Variants in AGAP2 observed in about 807,000 individuals in gnomAD.
The protein encoded by AGAP2 is ArfGAP with GTPase domain, ankyrin repeat and PH domain 2.
Under a neutral mutation model 110.9 loss-of-function variants are expected in AGAP2, and 32 were observed. That is an observed-to-expected ratio of 0.29 (90% CI 0.22 to 0.39). AGAP2 has a LOEUF of 0.39. Ranked by LOEUF, AGAP2 falls within the 10% of genes least tolerant of loss-of-function variation. The pLI is 1.00. For synonymous variants in AGAP2, 702 were observed against 713.0 expected, an observed-to-expected ratio of 0.98 and a Z score of 0.25; for missense variants, 1,285 against 1,638.5, an observed-to-expected ratio of 0.78 and a Z score of 3.72.
Position 57,730,819 on chromosome 12 carries a change from C to T in AGAP2, c.2280G>A (p.Met760Ile). 1 of 1,614,096 alleles carries T rather than the reference C, an allele frequency of 6.2e-7. No individual in the cohort carries two copies. The highest frequency in any genetic ancestry group is 1.7e-4 in the Middle Eastern group (1 of 5,998). Residue 760 changes from methionine (M) to isoleucine (I), a missense_variant, in exon 11 of 19, where the codon ATG (methionine) becomes ATA (isoleucine). By Grantham distance (10) the Met-to-Ile change is conservative. Around this residue, in one of 7 missense-constraint regions of AGAP2, gnomAD observed 135 missense variants for 182.0 expected, o/e 0.74. Coordinates refer to ENST00000547588, the MANE Select transcript of AGAP2 (RefSeq NM_001122772.3). ...GGCCTTCACCCATCTGGACAGTGCT[C>T]ATGTCCTTGACGAGCCCGTTAATGC... ...SASINGLVKD[M>I]STVQMGEGLE...
chr12:57,737,069 C>A lies in AGAP2; in HGVS notation c.1168+10G>T. ...TTCCCTCCCTGTTCTCAAGCCCTGA[C>A]TCAACTCACTAGGGGAAGCGCGGAG... On this transcript the variant is annotated intron_variant, in intron 1 of 18. Transcript: ENST00000547588. This position sits in a 1 kb window ranked among gnomAD's most constrained non-coding sequence, Gnocchi z 5.9. 6.6e-7 allele frequency: 1 copy of A among 1,508,170 alleles called. No individual in the cohort carries two copies. Among genetic ancestry groups the A allele is most frequent in the South Asian group, 1.3e-5 (1 of 75,450 alleles). 93.4% of individuals were successfully genotyped at this position (1,508,170 alleles called of 1,614,324 possible).
chr12:57,737,151 G>A lies in AGAP2; in HGVS notation c.1096C>T (p.Pro366Ser), dbSNP rs1336326736. 34 of 1,571,648 alleles carry A rather than the reference G, an allele frequency of 2.2e-5. No individual in the cohort carries two copies. The highest frequency in any genetic ancestry group is 2.9e-5 in the Non-Finnish European group (34 of 1,158,806). The change falls in exon 1 of 19, where the codon CCC becomes TCC. Residue 366 changes from proline to serine, a missense_variant. Transcript: ENST00000547588. This position sits in a 1 kb window ranked among gnomAD's most constrained non-coding sequence, Gnocchi z 5.9. ...TGGPPGSGPLPGPPSLSSGSG... is the reference protein window; with the variant it reads ...TGGPPGSGPLSGPPSLSSGSG... ...CCAGAAGACAGGCTGGGGGGTCCGG[G>A]AAGGGGCCCGGAGCCAGGAGGCCCT...
chr12:57,730,685 T>A, intron 11 of AGAP2, 71 bp from the exon 12 acceptor site: 5 of 1,605,320 alleles, frequency 3.1e-6, no homozygotes, highest in Non-Finnish European at 4.3e-6. Flanking sequence ...TCCCTCTTTA[T>A]CACCCAGCTT....
intron 1 of AGAP2, among the ~76,000 whole-genome samples, chr12:57,736,004 C>T (rs1189974171): frequency 6.6e-6 from 1 of 152,226 alleles, no homozygotes; most frequent in Non-Finnish European, 1.5e-5. Flanking sequence ...CCACACCCTC[C>T]CCACAAACGC....
rs1272146160 is a variant in AGAP2 at position 57,734,202 on chromosome 12, A to T, written c.1402-29T>A. 4 of 1,604,052 alleles carry T rather than the reference A, an allele frequency of 2.5e-6. No individual in the cohort carries two copies. In the South Asian group the frequency reaches 4.4e-5, roughly 18 times the overall value. ...GCGGGGAGTGAGGGAGCAAATGGAA[A>T]GTCAGACAGGTCTACTCCTCTGGAC... On this transcript the variant is annotated intron_variant, in intron 4 of 18. Coordinates refer to ENST00000547588, the MANE Select transcript of AGAP2 (RefSeq NM_001122772.3).
chr12:57,738,016 C>G lies in AGAP2; in HGVS notation c.231G>C (p.Trp77Cys). ...CGGTGCCCGCGCTGCTCGTGCTGATCCACAGCGCATCCTGCCGGTGGAAGA... is the reference window on the plus strand; with the variant it reads ...CGGTGCCCGCGCTGCTCGTGCTGATGCACAGCGCATCCTGCCGGTGGAAGA... The part of the protein sequence containing the change: ...ERLFHRQDAL[W>C]ISTSSAGTGG... The change falls in exon 1 of 19, where the codon TGG becomes TGC. Residue 77 changes from tryptophan to cysteine, a missense_variant. Trp to Cys is a radical substitution (Grantham distance 215). This residue lies in a region of AGAP2 where 844 missense variants were observed against 941.2 expected (regional missense o/e 0.90). Transcript: ENST00000547588. The surrounding 1 kb of genome is among the most constrained non-coding windows in gnomAD (Gnocchi z 6.7). The G allele has an allele frequency of 6.6e-7, 1 of 1,512,464 alleles. No homozygotes were observed. The highest frequency in any genetic ancestry group is 1.2e-5 in the South Asian group (1 of 82,166). The allele number at this position is 1,512,464 out of a possible 1,614,324, so 93.7% of individuals were successfully genotyped here.
intron 4 of AGAP2, 73 bp from the exon 5 acceptor site, chr12:57,734,246 T>A: frequency 3.7e-6 from 6 of 1,612,016 alleles, no homozygotes; most frequent in Non-Finnish European, 5.1e-6. Flanking sequence ...GATGAAGACC[T>A]GGGAAACCAG....
rs1225263879 is a variant in AGAP2 at position 57,737,044 on chromosome 12, T to C, written c.1168+35A>G. On this transcript the variant is annotated intron_variant, in intron 1 of 18. Transcript: ENST00000547588. This position sits in a 1 kb window ranked among gnomAD's most constrained non-coding sequence, Gnocchi z 5.9. ...CCCAAGCTGAGCATTCCAGGTACCC[T>C]TCCCTCCCTGTTCTCAAGCCCTGAC... 1.4e-6 allele frequency: 2 copies of C among 1,469,700 alleles called. No homozygotes were observed. The highest frequency in any genetic ancestry group is 2.9e-5 in the South Asian group (2 of 70,018). 91.0% of individuals were successfully genotyped at this position (1,469,700 alleles called of 1,614,324 possible).
rs1005966200 is a variant in AGAP2 at position 57,734,400 on chromosome 12, C to T, written c.1320G>A (p.Glu440=). The T allele has an allele frequency of 2.5e-6, 4 of 1,614,070 alleles. No individual in the cohort carries two copies. Among genetic ancestry groups the T allele is most frequent in the Non-Finnish European group, 3.4e-6 (4 of 1,180,026 alleles). ...SYQVLEKTES[E]QYKKEMLVDG... is the part of the protein sequence containing the mutation. ...CCACCAACATTTCTTTCTTGTACTGCTCACCTGTCCAGAAGAGTTGGAAGG... is the reference window on the plus strand; with the variant it reads ...CCACCAACATTTCTTTCTTGTACTGTTCACCTGTCCAGAAGAGTTGGAAGG... Residue 440 remains glutamate (E), a synonymous_variant, in exon 4 of 19, where the codon GAG becomes GAA. Transcript: ENST00000547588.
intron 13 of AGAP2, among the ~76,000 whole-genome samples, chr12:57,729,192 AAG>A (rs1954836377): frequency 1.3e-5 from 2 of 150,980 alleles, no homozygotes; most frequent in African/African-American, 2.4e-5. Flanking sequence ...AAAAAAAAAA[AAG>A]AAAAGAAAAA....
At position 57,727,553 on chromosome 12, in the gene AGAP2, C is replaced by T. The variant is rs768591169; in HGVS notation, c.2887G>A (p.Ala963Thr). 8.7e-6 allele frequency: 14 copies of T among 1,609,686 alleles called. No individual in the cohort carries two copies. Among genetic ancestry groups the T allele is most frequent in the Non-Finnish European group, 1.1e-5 (13 of 1,179,304 alleles). Residue 963 changes from alanine to threonine, a missense_variant, in exon 17 of 19, where the codon GCC (alanine) becomes ACC (threonine). Coordinates refer to ENST00000547588, the MANE Select transcript of AGAP2 (RefSeq NM_001122772.3). Reference sequence around the variant, plus strand: ...CCAGAACACTCGATGCAGATGAGGGCGCCCAGGTTCAAGCTGGCCCACGTG... The same window carrying T: ...CCAGAACACTCGATGCAGATGAGGGTGCCCAGGTTCAAGCTGGCCCACGTG... ...NPTWASLNLG[A>T]LICIECSGIH...
intron 2 of AGAP2, 109 bp downstream of exon 2, chr12:57,735,260 C>A: frequency 2.8e-6 from 3 of 1,084,528 alleles, no homozygotes; most frequent in Non-Finnish European, 2.8e-6. Flanking sequence ...AAACGATTCC[C>A]TATTCCCAAA....
intron 5 of AGAP2, among the ~76,000 whole-genome samples, chr12:57,733,808 T>A (rs531635050): frequency 1.3e-5 from 2 of 152,326 alleles, no homozygotes; most frequent in East Asian, 3.9e-4. Context: ...ATAGCTGTCC[T>A]TTCCTCCCTG....
Position 57,727,353 on chromosome 12 carries a change from C to T in AGAP2, c.3080+7G>A. On this transcript the variant is annotated splice_region_variant and intron_variant, in intron 17 of 18. Transcript: ENST00000547588. ...ACCCTCCCCCCGCTCTGTTCCCTCA[C>T]GCTTACCGCGAAGAGTCCCGCGAGG... The T allele has an allele frequency of 6.2e-7, 1 of 1,608,210 alleles. No homozygotes were observed. Among genetic ancestry groups the T allele is most frequent in the Non-Finnish European group, 8.5e-7 (1 of 1,177,656 alleles).
Position 57,726,860 on chromosome 12 carries a change from C to A in AGAP2, c.3337-66G>T. On this transcript the variant is annotated intron_variant, in intron 18 of 18. Coordinates refer to ENST00000547588, the MANE Select transcript of AGAP2 (RefSeq NM_001122772.3). This position sits in a 1 kb window ranked among gnomAD's most constrained non-coding sequence, Gnocchi z 5.7. ...GCGCCCACACCCGGCGCCGCCTCCCCCACATGGCCAAGCCTACTTCCGGGG... is the reference window on the plus strand; with the variant it reads ...GCGCCCACACCCGGCGCCGCCTCCCACACATGGCCAAGCCTACTTCCGGGG... 2 of 1,442,192 alleles carry A rather than the reference C, an allele frequency of 1.4e-6. No individual in the cohort carries two copies. The highest frequency in any genetic ancestry group is 2.9e-5 in the South Asian group (2 of 68,838). The allele number at this position is 1,442,192 out of a possible 1,614,324, so 89.3% of individuals were successfully genotyped here.
In AGAP2 at chr12:57,725,479, C is replaced by T. The variant is rs56107029; in HGVS notation, c.*1073G>A. 2.4e-4 allele frequency: 37 copies of T among 152,408 alleles called. No homozygotes were observed. The highest frequency in any genetic ancestry group is 8.4e-4 in the African/African-American group (35 of 41,570). The allele number at this position is 152,408 out of a possible 1,614,324, so 9.4% of individuals were successfully genotyped here. On this transcript the variant is annotated 3_prime_UTR_variant, in exon 19 of 19. Transcript: ENST00000547588. ...AAGGGGCAGGGGGCCTGGAAACCCT[C>T]CCAGCCACCTCGAATCCTCTCAGCC...
In AGAP2 at chr12:57,738,718, G is replaced by A. The variant is rs1464204771; in HGVS notation, c.-472C>T. 6.6e-6 allele frequency among the ~76,000 whole-genome samples: 1 copy of A among 151,718 alleles called. No individual in the cohort carries two copies. Among genetic ancestry groups the A allele is most frequent in the Non-Finnish European group, 1.5e-5 (1 of 67,852 alleles). On this transcript the variant is annotated 5_prime_UTR_variant, in exon 1 of 19. Coordinates refer to ENST00000547588, the MANE Select transcript of AGAP2 (RefSeq NM_001122772.3). The surrounding 1 kb of genome is among the most constrained non-coding windows in gnomAD (Gnocchi z 6.7). The stretch of plus-strand genomic sequence containing the variant: ...GGCCGCGGATGCGGTCGGAAAGAGG[G>A]TCTAGAGGAGGGTGGGAAGCTAGTG...
At chr12:57,732,611 C>T (rs1954907912) in intron 6 of AGAP2, 99 bp from the exon 7 acceptor site, 15 of 1,320,874 alleles carry the variant, frequency 1.1e-5, no homozygotes, top group Non-Finnish European at 1.6e-5. Context: ...AACACAGGAC[C>T]CAACTTCCTT....
At position 57,728,387 on chromosome 12, in the gene AGAP2, C is replaced by G. The variant is rs1213029049; in HGVS notation, c.2558-10G>C. 6.2e-7 allele frequency: 1 copy of G among 1,613,564 alleles called. No homozygotes were observed. The highest frequency in any genetic ancestry group is 1.1e-5 in the South Asian group (1 of 91,064). On this transcript the variant is annotated splice_polypyrimidine_tract_variant and intron_variant, in intron 13 of 18. Coordinates refer to ENST00000547588, the MANE Select transcript of AGAP2 (RefSeq NM_001122772.3). ...CACATTTTGCGCTTGGCTGGTTTCCCGAAGCGAAGGAGATAGAGATAGAAT... is the reference window on the plus strand; with the variant it reads ...CACATTTTGCGCTTGGCTGGTTTCCGGAAGCGAAGGAGATAGAGATAGAAT...
Sources: allele counts gnomAD v4.1 joint callset (sites outside exome capture counted in the v4.1 genomes callset), GRCh38; gene constraint gnomAD v4.1.1; regional missense constraint gnomAD v4.1.1; non-coding constraint Gnocchi (gnomAD v3.1); transcripts MANE v1.5; gene names NCBI Gene and HGNC (gene_info 2026-07-23, HGNC 2026-07-21).